The following NRXN3 variants were observed in gnomAD, a reference collection of about 807,000 sequenced individuals.
NRXN3 encodes neurexin III.
In NRXN3, 32 loss-of-function variants were observed where a neutral mutation model predicts 137.6. That is an observed-to-expected ratio of 0.23 (90% CI 0.18 to 0.31). The LOEUF is 0.31. NRXN3 is among the 10% of genes least tolerant of loss of function. The pLI is 1.00. For missense variants in NRXN3, 1,574 were observed against 2,062.5 expected, an observed-to-expected ratio of 0.76 and a Z score of 4.59; for synonymous variants, 798 against 784.5, an observed-to-expected ratio of 1.02 and a Z score of -0.29.
chr14:78,312,220 G>T (rs886909764), intron 4 of NRXN3, among the ~76,000 whole-genome samples: 1 of 152,160 alleles, frequency 6.6e-6, no homozygotes, highest in Non-Finnish European at 1.5e-5. Context: ...TTACTAGTCT[G>T]CCTGGGAACT....
At chr14:78,802,739 A>G (rs112658646) in intron 8 of NRXN3, among the ~76,000 whole-genome samples, 7,082 of 152,202 alleles carry the variant, frequency 0.047, 444 homozygotes, top group African/African-American at 0.14. Context: ...TGAGGTCAGG[A>G]GTTCAAGACC....
rs776142225 is a variant in NRXN3 at position 79,677,657 on chromosome 14, C to T, written c.3616+13708C>T. On this transcript the variant is annotated intron_variant, in intron 17 of 20. Transcript: ENST00000335750. ...CTGTGACTTTCCCCCGCTATGACCT[C>T]AGAATTTTGAGCTACAAGTAGGTCT... 4.9e-4 allele frequency among the ~76,000 whole-genome samples: 75 copies of T among 152,214 alleles called. 1 individual carries two copies. The highest frequency in any genetic ancestry group is 6.8e-3 in the Middle Eastern group (2 of 294).
chr14:79,816,858 A>G (rs2099252984), intron 20 of NRXN3, among the ~76,000 whole-genome samples: 1 of 152,228 alleles, frequency 6.6e-6, no homozygotes, highest in African/African-American at 2.4e-5. Context: ...TACTGCAGAA[A>G]GCAACTGCAG....
intron 15 of NRXN3, among the ~76,000 whole-genome samples, chr14:79,215,392 T>C (rs1016337133): frequency 1.4e-5 from 2 of 144,422 alleles, no homozygotes; most frequent in Admixed American, 1.5e-4. Flanking sequence ...GGAGTTGGGG[T>C]GTGTGTGTGT....
At chr14:78,551,970 T>C (rs1445220644) in intron 4 of NRXN3, among the ~76,000 whole-genome samples, 1 of 152,180 alleles carries the variant, frequency 6.6e-6, no homozygotes, top group East Asian at 1.9e-4. Flanking sequence ...CAGACTTTGC[T>C]TGTTGGTCGC....
At chr14:78,772,051 TTTAA>T (rs2098730020) in intron 8 of NRXN3, among the ~76,000 whole-genome samples, 1 of 152,180 alleles carries the variant, frequency 6.6e-6, no homozygotes, top group Non-Finnish European at 1.5e-5. Flanking sequence ...TATACAATAT[TTTAA>T]TTAATTCTGA....
chr14:79,169,515 C>T (rs373356761), intron 15 of NRXN3, among the ~76,000 whole-genome samples: 16 of 152,198 alleles, frequency 1.1e-4, no homozygotes, highest in Middle Eastern at 3.4e-3. Context: ...TCTTTCTCTG[C>T]CTCAGAGTTG....
intron 1 of NRXN3, among the ~76,000 whole-genome samples, chr14:78,210,854 G>A (rs1566976101): frequency 2.0e-5 from 3 of 151,986 alleles, no homozygotes; most frequent in East Asian, 1.9e-4. Flanking sequence ...CGAGCAAATC[G>A]TTTTTTTAAT....
chr14:78,494,600 A>C (rs1335388473), intron 4 of NRXN3, among the ~76,000 whole-genome samples: 1 of 152,108 alleles, frequency 6.6e-6, no homozygotes, highest in Non-Finnish European at 1.5e-5. Context: ...GAATATTTGC[A>C]GCCCCACAAA....
At chr14:79,280,334 C>T in intron 15 of NRXN3, 2 of 1,614,082 alleles carry the variant, frequency 1.2e-6, no homozygotes, top group Non-Finnish European at 1.7e-6. Flanking sequence ...TCCTCGCCGG[C>T]CGGCCTGGAC....
At chr14:78,435,346 T>G (rs1367842978) in intron 4 of NRXN3, among the ~76,000 whole-genome samples, 3 of 152,142 alleles carry the variant, frequency 2.0e-5, no homozygotes, top group African/African-American at 7.2e-5. Flanking sequence ...ATATTAGTCC[T>G]TATTTCCTTT....
intron 4 of NRXN3, among the ~76,000 whole-genome samples, chr14:78,406,750 C>T (rs1477342180): frequency 6.6e-6 from 1 of 152,128 alleles, no homozygotes; most frequent in Non-Finnish European, 1.5e-5. Context: ...CCAAAACTAC[C>T]TTGCTGCATG....
intron 4 of NRXN3, among the ~76,000 whole-genome samples, chr14:78,489,025 A>C (rs1015928667): frequency 7.2e-5 from 11 of 152,272 alleles, no homozygotes; most frequent in African/African-American, 1.9e-4. Flanking sequence ...AATAAGAGTG[A>C]CTACATCAGA....
intron 19 of NRXN3, among the ~76,000 whole-genome samples, chr14:79,735,772 T>C (rs950217828): frequency 1.3e-5 from 2 of 152,138 alleles, no homozygotes; most frequent in African/African-American, 4.8e-5. Flanking sequence ...ATAGGGCTGT[T>C]TGGAGGAAGT....
intron 19 of NRXN3, among the ~76,000 whole-genome samples, chr14:79,804,216 TAGGCCA>T (rs1433314836): frequency 6.6e-6 from 1 of 152,030 alleles, no homozygotes; most frequent in African/African-American, 2.4e-5. Flanking sequence ...ATGCACATAG[TAGGCCA>T]AAAGTTTTGT....
At chr14:79,547,163 G>C (rs1162948905) in intron 16 of NRXN3, among the ~76,000 whole-genome samples, 2 of 152,068 alleles carry the variant, frequency 1.3e-5, no homozygotes, top group African/African-American at 4.8e-5. Context: ...CTGGAGCCAT[G>C]AGAAATTAAA....
intron 15 of NRXN3, among the ~76,000 whole-genome samples, chr14:79,254,921 A>G (rs2076386879): frequency 6.9e-6 from 1 of 145,668 alleles, no homozygotes; most frequent in Non-Finnish European, 1.5e-5. Flanking sequence ...TTTCTAGTAG[A>G]TGTCTCTGAT....
At chr14:78,707,341 A>G (rs1348349858) in intron 6 of NRXN3, among the ~76,000 whole-genome samples, 1 of 152,170 alleles carries the variant, frequency 6.6e-6, no homozygotes, top group East Asian at 1.9e-4. Flanking sequence ...GGGACGCTCA[A>G]TACTCAGATC....
At chr14:78,646,319 A>C (rs1229804500) in intron 5 of NRXN3, among the ~76,000 whole-genome samples, 1 of 152,170 alleles carries the variant, frequency 6.6e-6, no homozygotes, top group East Asian at 1.9e-4. Flanking sequence ...TAAAAATCAA[A>C]GTCTGTGCTG....
Sources: gnomAD v4.1 joint callset for allele counts (sites outside exome capture counted in the v4.1 genomes callset) on GRCh38, gnomAD v4.1.1 for gene constraint, MANE v1.5 for transcripts, NCBI Gene and HGNC (gene_info 2026-07-23, HGNC 2026-07-21) for gene names.